SLC25A51: variants seen among roughly 807,000 people sequenced by gnomAD.
The protein encoded by SLC25A51 is mitochondrial nicotinamide adenine dinucleotide transporter SLC25A51.
SLC25A51 carries 11 observed loss-of-function variants against 19.1 expected under a neutral mutation model. That is an observed-to-expected ratio of 0.58 (90% CI 0.36 to 0.96). The LOEUF (loss-of-function observed/expected upper bound fraction) is 0.96. SLC25A51 is among the 40% of genes least tolerant of loss of function. The probability of loss-of-function intolerance (pLI) is 0.01; values close to 1 mark genes in which losing one functional copy is unlikely to be tolerated. For synonymous variants in SLC25A51, 105 were observed against 133.6 expected, an observed-to-expected ratio of 0.79 and a Z score of 1.47; for missense variants, 201 against 365.4, an observed-to-expected ratio of 0.55 and a Z score of 3.67.
In SLC25A51 at chr9:37,888,309, T is replaced by A; in HGVS notation, c.242A>T (p.Tyr81Phe). 3 of 1,614,250 alleles carry A rather than the reference T, an allele frequency of 1.9e-6. No homozygotes were observed. The highest frequency in any genetic ancestry group is 2.5e-6 in the Non-Finnish European group (3 of 1,180,042). The change falls in exon 3 of 3, where the codon TAT (tyrosine) becomes TTT (phenylalanine). Residue 81 changes from tyrosine (Y) to phenylalanine (F), a missense_variant. Physicochemically the swap from Tyr to Phe is conservative, Grantham distance 22 (BLOSUM62 3). Coordinates refer to ENST00000242275, the MANE Select transcript of SLC25A51 (RefSeq NM_033412.4). Reference sequence around the variant, plus strand: ...CATCAATGGGGGAAGGATTCCACGATACAAATTTCGAAATCCATCCCTTCT... The same window carrying A: ...CATCAATGGGGGAAGGATTCCACGAAACAAATTTCGAAATCCATCCCTTCT... ...QLRRDGFRNL[Y>F]RGILPPLMQK... is the part of the protein sequence containing the mutation.
chr9:37,899,734 A>C (rs1254149246), intron 2 of SLC25A51, 95 bp downstream of exon 2: 1 of 150,310 alleles, frequency 6.7e-6, no homozygotes, highest in Non-Finnish European at 1.5e-5. Context: ...TTGTAAAAAG[A>C]ATATGTGATT....
At chr9:37,898,517 T>C (rs1311500891) in intron 2 of SLC25A51, among the ~76,000 whole-genome samples, 2 of 150,224 alleles carry the variant, frequency 1.3e-5, no homozygotes, top group African/African-American at 2.5e-5. Context: ...ATTATGCCAT[T>C]GCACTCCAGC....
At chr9:37,879,769 G>A (rs886762858) in exon 4 of SLC25A51, 4 of 152,396 alleles carry the variant, frequency 2.6e-5, no homozygotes, top group African/African-American at 7.2e-5. Flanking sequence ...AAGGACAGCA[G>A]TCTATAAATG....
chr9:37,893,404 T>C (rs895642876), intron 2 of SLC25A51, among the ~76,000 whole-genome samples: 1 of 152,208 alleles, frequency 6.6e-6, no homozygotes, highest in African/African-American at 2.4e-5. Context: ...TTAGGACTAA[T>C]GTCACTGCAG....
At chr9:37,902,260 G>A (rs1564072825) in intron 1 of SLC25A51, among the ~76,000 whole-genome samples, 1 of 152,176 alleles carries the variant, frequency 6.6e-6, no homozygotes, top group East Asian at 1.9e-4. Flanking sequence ...ATAAAGGTTA[G>A]TTTATTTATG....
chr9:37,885,383 A>G (rs1425814782), downstream of SLC25A51, among the ~76,000 whole-genome samples: 3 of 142,874 alleles, frequency 2.1e-5, no homozygotes, highest in African/African-American at 5.2e-5. Context: ...GTATTTTCCT[A>G]TTGGAACCTT....
chr9:37,886,923 G>A (rs1831469242), downstream of SLC25A51, among the ~76,000 whole-genome samples: 1 of 152,054 alleles, frequency 6.6e-6, no homozygotes, highest in Non-Finnish European at 1.5e-5. Flanking sequence ...CAGCACTTTG[G>A]GAGGCCGAGG....
chr9:37,900,579 C>T (rs1587173357), intron 1 of SLC25A51, among the ~76,000 whole-genome samples: 1 of 152,076 alleles, frequency 6.6e-6, no homozygotes, highest in Non-Finnish European at 1.5e-5. Flanking sequence ...CAGGCGCATG[C>T]CACCATGCTT....
downstream of SLC25A51, among the ~76,000 whole-genome samples, chr9:37,885,356 A>C (rs867927163): frequency 1.7e-4 from 26 of 151,120 alleles, no homozygotes; most frequent in South Asian, 8.4e-4. Flanking sequence ...AAAAAAAAAA[A>C]AAAAAAAAAA....
chr9:37,888,593 C>G lies in SLC25A51; in HGVS notation c.-42-1G>C, dbSNP rs1342906796. ...TTTTTCATGAAGGACTTTTTTTAAC[C>G]TACAAATAATAAATGACAACGGGTA... is the stretch of plus-strand genomic sequence containing the variant. On this transcript the variant is annotated splice_acceptor_variant, in intron 2 of 2. Coordinates refer to ENST00000242275, the MANE Select transcript of SLC25A51 (RefSeq NM_033412.4). LOFTEE classifies it low-confidence loss of function (5UTR_SPLICE). The G allele has an allele frequency of 6.4e-7, 1 of 1,550,668 alleles. No homozygotes were observed.
chr9:37,882,068 C>A (rs1453950315), intron 2 of SLC25A51, among the ~76,000 whole-genome samples: 1 of 152,216 alleles, frequency 6.6e-6, no homozygotes, highest in Non-Finnish European at 1.5e-5. Context: ...CATTTAGAGA[C>A]TCCCACACAA....
At chr9:37,887,575 A>T, downstream of SLC25A51, 5 of 1,050,898 alleles carry the variant, frequency 4.8e-6, no homozygotes, top group South Asian at 2.1e-5. Flanking sequence ...ATTTCCTTTA[A>T]AAAAAAAAAA....
At chr9:37,886,228 A>G, downstream of SLC25A51, 8 of 1,597,708 alleles carry the variant, frequency 5.0e-6, no homozygotes, top group Non-Finnish European at 6.9e-6. Context: ...GGGCTGTCTC[A>G]TGGACCTTCT....
At chr9:37,892,437 C>A (rs1318561386) in intron 2 of SLC25A51, among the ~76,000 whole-genome samples, 4 of 152,168 alleles carry the variant, frequency 2.6e-5, no homozygotes, top group Non-Finnish European at 5.9e-5. Context: ...AGGGGCACAA[C>A]GTAGGTAGAG....
chr9:37,886,125 G>C, downstream of SLC25A51: 1 of 1,446,536 alleles, frequency 6.9e-7, no homozygotes, highest in South Asian at 1.1e-5. Context: ...TACAAAGTGA[G>C]CACATCACCC....
chr9:37,879,092 T>C, downstream of SLC25A51: 1 of 356,060 alleles, frequency 2.8e-6, no homozygotes. Context: ...AATCAAGGCC[T>C]GTGGAAATTT....
intron 1 of SLC25A51, among the ~76,000 whole-genome samples, chr9:37,901,824 A>C (rs1831854843): frequency 6.6e-6 from 1 of 152,292 alleles, no homozygotes; most frequent in South Asian, 2.1e-4. Flanking sequence ...TATTAGTTCT[A>C]CTACATCCTT....
chr9:37,902,170 G>A (rs1230196138), intron 1 of SLC25A51, among the ~76,000 whole-genome samples: 1 of 152,156 alleles, frequency 6.6e-6, no homozygotes, highest in Non-Finnish European at 1.5e-5. Context: ...AGTTATTTGT[G>A]TACTTGAACA....
intron 2 of SLC25A51, among the ~76,000 whole-genome samples, chr9:37,894,677 C>G (rs1270902195): frequency 6.6e-6 from 1 of 152,088 alleles, no homozygotes; most frequent in Non-Finnish European, 1.5e-5. Flanking sequence ...GTTATGTAAA[C>G]TTGTGCCATG....
Sources: allele counts gnomAD v4.1 joint callset (sites outside exome capture counted in the v4.1 genomes callset), GRCh38; gene constraint gnomAD v4.1.1; transcripts MANE v1.5; gene names NCBI Gene and HGNC (gene_info 2026-07-23, HGNC 2026-07-21).